Variants in MARCHF11 observed in about 807,000 individuals in gnomAD.
MARCHF11 encodes membrane associated ring-CH-type finger 11.
Under a neutral mutation model 37.3 loss-of-function variants are expected in MARCHF11, and 29 were observed. That is an observed-to-expected ratio of 0.78 (90% CI 0.58 to 1.06). The LOEUF (loss-of-function observed/expected upper bound fraction) is 1.06, where lower values mean the gene tolerates loss of function less well. Ranked by LOEUF, MARCHF11 falls within the 50% of genes least tolerant of loss-of-function variation. MARCHF11 has a pLI of 0.00. For missense variants in MARCHF11, 482 were observed against 533.4 expected, an observed-to-expected ratio of 0.90 and a Z score of 0.95; for synonymous variants, 233 against 228.0, an observed-to-expected ratio of 1.02 and a Z score of -0.20.
intron 2 of MARCHF11, among the ~76,000 whole-genome samples, chr5:16,093,792 C>T (rs940895125): frequency 6.6e-6 from 1 of 152,206 alleles, no homozygotes; most frequent in Non-Finnish European, 1.5e-5. Context: ...GATTACAGTA[C>T]ACTGGGAAGC....
chr5:16,155,304 AGAC>A (rs754184430), intron 2 of MARCHF11, among the ~76,000 whole-genome samples: 5 of 151,832 alleles, frequency 3.3e-5, no homozygotes, highest in Non-Finnish European at 5.9e-5. Flanking sequence ...AGAAGGTCAC[AGAC>A]TGTTTTGTTT....
At chr5:16,144,930 G>C (rs1579410219) in intron 2 of MARCHF11, among the ~76,000 whole-genome samples, 1 of 152,140 alleles carries the variant, frequency 6.6e-6, no homozygotes, top group Non-Finnish European at 1.5e-5. Context: ...ACAGATGATA[G>C]AAATGAGAAA....
At position 16,085,848 on chromosome 5, in the gene MARCHF11, G is replaced by A. The variant is rs190622977; in HGVS notation, c.886+5041C>T. On this transcript the variant is annotated intron_variant, in intron 3 of 3. Transcript: ENST00000332432. Reference sequence around the variant, plus strand: ...CCAGCTACTCAGGAGGCTGAGGCAGGATAATGGCATGAACCCGGGAGGTGG... The same window carrying A: ...CCAGCTACTCAGGAGGCTGAGGCAGAATAATGGCATGAACCCGGGAGGTGG... Among the ~76,000 whole-genome samples, 22 of 145,638 alleles carry A rather than the reference G, an allele frequency of 1.5e-4. 3 individuals carry two copies. Among genetic ancestry groups the A allele is most frequent in the African/African-American group, 5.5e-4 (22 of 39,670 alleles).
At chr5:16,087,677 T>C (rs1271580048) in intron 3 of MARCHF11, among the ~76,000 whole-genome samples, 1 of 152,162 alleles carries the variant, frequency 6.6e-6, no homozygotes, top group Non-Finnish European at 1.5e-5. Flanking sequence ...GTTTCAACTA[T>C]GATAGCGGCT....
chr5:16,090,003 C>T (rs1736764988), intron 3 of MARCHF11, among the ~76,000 whole-genome samples: 1 of 152,196 alleles, frequency 6.6e-6, no homozygotes. Flanking sequence ...CAGCATGCAT[C>T]AGAACCTCAG....
intron 3 of MARCHF11, among the ~76,000 whole-genome samples, chr5:16,080,511 C>G (rs1736588679): frequency 6.6e-6 from 1 of 152,184 alleles, no homozygotes; most frequent in South Asian, 2.1e-4. Context: ...GCCACATCCA[C>G]TTGGATTCCC....
chr5:16,082,934 C>A (rs1303148595), intron 3 of MARCHF11, among the ~76,000 whole-genome samples: 1 of 151,814 alleles, frequency 6.6e-6, no homozygotes, highest in East Asian at 1.9e-4. Context: ...TCTGCACCCC[C>A]ACTCCATGGG....
At chr5:16,163,970 TC>T (rs1464524253) in intron 2 of MARCHF11, among the ~76,000 whole-genome samples, 3 of 151,990 alleles carry the variant, frequency 2.0e-5, no homozygotes, top group African/African-American at 7.2e-5. Flanking sequence ...ACAGTGTCTG[TC>T]CCCTCCAGAG....
At chr5:16,123,680 C>A (rs1225338528) in intron 2 of MARCHF11, among the ~76,000 whole-genome samples, 1 of 152,122 alleles carries the variant, frequency 6.6e-6, no homozygotes, top group Non-Finnish European at 1.5e-5. Flanking sequence ...CTATGACAAG[C>A]TATAAGGCCA....
chr5:16,073,739 T>C (rs1436040835), intron 3 of MARCHF11, among the ~76,000 whole-genome samples: 1 of 152,106 alleles, frequency 6.6e-6, no homozygotes. Context: ...CTGTCATAAA[T>C]TGATATCCTA....
At chr5:16,117,917 C>A (rs1031554279) in intron 2 of MARCHF11, among the ~76,000 whole-genome samples, 2 of 152,136 alleles carry the variant, frequency 1.3e-5, no homozygotes, top group Non-Finnish European at 2.9e-5. Context: ...AAAGGGAGTA[C>A]GCATGCTACT....
chr5:16,125,300 G>T (rs1579396560), intron 2 of MARCHF11, among the ~76,000 whole-genome samples: 2 of 142,356 alleles, frequency 1.4e-5, no homozygotes, highest in East Asian at 3.9e-4. Flanking sequence ...ATTAAACATT[G>T]GGAAAGCTGC....
intron 3 of MARCHF11, among the ~76,000 whole-genome samples, chr5:16,072,082 C>T (rs1736449481): frequency 6.6e-6 from 1 of 152,080 alleles, no homozygotes; most frequent in South Asian, 2.1e-4. Context: ...GCCTCAGCCT[C>T]CTGAGTAGCT....
chr5:16,120,606 T>A (rs1737294087), intron 2 of MARCHF11, among the ~76,000 whole-genome samples: 1 of 152,236 alleles, frequency 6.6e-6, no homozygotes, highest in Non-Finnish European at 1.5e-5. Context: ...TCTGACTTCA[T>A]AACCTGTCAC....
intron 3 of MARCHF11, among the ~76,000 whole-genome samples, chr5:16,090,481 T>G (rs1201189608): frequency 1.3e-5 from 2 of 152,114 alleles, no homozygotes; most frequent in Non-Finnish European, 2.9e-5. Context: ...CATCGAGATG[T>G]CTGTCCTCTC....
intron 2 of MARCHF11, among the ~76,000 whole-genome samples, chr5:16,124,691 A>G (rs1737371642): frequency 6.6e-6 from 1 of 151,920 alleles, no homozygotes; most frequent in African/African-American, 2.4e-5. Flanking sequence ...TTTCCCACAG[A>G]GAAGGGTAAA....
At chr5:16,107,861 C>T (rs951920069) in intron 2 of MARCHF11, among the ~76,000 whole-genome samples, 8 of 151,884 alleles carry the variant, frequency 5.3e-5, no homozygotes, top group African/African-American at 9.7e-5. Flanking sequence ...GAGAGGAGTT[C>T]GGCCGCTGGA....
intron 2 of MARCHF11, among the ~76,000 whole-genome samples, chr5:16,097,357 A>G (rs1177477194): frequency 2.8e-4 from 42 of 152,202 alleles, no homozygotes; most frequent in Non-Finnish European, 5.9e-5. Context: ...CTAGAAAAGC[A>G]TTTTCACAAA....
chr5:16,150,089 G>T (rs1579413281), intron 2 of MARCHF11, among the ~76,000 whole-genome samples: 1 of 149,308 alleles, frequency 6.7e-6, no homozygotes, highest in Non-Finnish European at 1.5e-5. Flanking sequence ...TGATCTGGGT[G>T]GTGGTGACAC....
Sources: gnomAD v4.1 joint callset for allele counts (sites outside exome capture counted in the v4.1 genomes callset) on GRCh38, gnomAD v4.1.1 for gene constraint, MANE v1.5 for transcripts, NCBI Gene and HGNC (gene_info 2026-07-23, HGNC 2026-07-21) for gene names.